The following IFRD1 variants were observed in gnomAD, a reference collection of about 807,000 sequenced individuals.
The protein encoded by IFRD1 is interferon related developmental regulator 1, also known as interferon-related developmental regulator 1.
Under a neutral mutation model 52.9 loss-of-function variants are expected in IFRD1, and 35 were observed. The ratio of observed to expected loss-of-function variants is 0.66; its 90% confidence interval spans 0.51 to 0.88. The LOEUF (loss-of-function observed/expected upper bound fraction) is 0.88, where lower values mean the gene tolerates loss of function less well. Among genes scored for constraint, IFRD1 ranks in the 40% least tolerant of loss-of-function variants. The pLI is 0.00. For synonymous variants in IFRD1, 184 were observed against 188.4 expected (o/e 0.98, Z 0.19); for missense variants, 517 against 550.8 (o/e 0.94, Z 0.61).
chr7:112,453,275 T>C (rs1356340365), intron 1 of IFRD1, among the ~76,000 whole-genome samples: 1 of 152,174 alleles, frequency 6.6e-6, no homozygotes, highest in Non-Finnish European at 1.5e-5. Flanking sequence ...AGCACTTAAT[T>C]TAAAGAGAAT....
intron 7 of IFRD1, 36 bp downstream of exon 7, chr7:112,462,215 C>T: frequency 6.2e-7 from 1 of 1,609,712 alleles, no homozygotes; most frequent in South Asian, 1.1e-5. Flanking sequence ...ATAAAAGCAA[C>T]ATTTAGTGGA....
At position 112,472,265 on chromosome 7, in the gene IFRD1, T is replaced by C. The variant is rs1795769433; in HGVS notation, c.1088T>C (p.Met363Thr). Reference protein sequence around the residue: ...TETIKFGPERMYIDCWVKKHT... With the variant: ...TETIKFGPERTYIDCWVKKHT... Reference sequence around the variant, plus strand: ...ACCATTAAATTTGGTCCTGAACGCATGTATATTGATTGCTGGGTAAAAAAA... The same window carrying C: ...ACCATTAAATTTGGTCCTGAACGCACGTATATTGATTGCTGGGTAAAAAAA... Residue 363 changes from methionine to threonine, a missense_variant, in exon 10 of 12, where the codon ATG (methionine) becomes ACG (threonine). Coordinates refer to ENST00000403825, the MANE Select transcript of IFRD1 (RefSeq NM_001550.4). 7.4e-6 allele frequency: 12 copies of C among 1,613,872 alleles called. No homozygotes were observed. Among genetic ancestry groups the C allele is most frequent in the Non-Finnish European group, 1.0e-5 (12 of 1,179,890 alleles).
At position 112,472,908 on chromosome 7, in the gene IFRD1, T is replaced by C. The variant is rs375068297; in HGVS notation, c.1266+47T>C. 3 of 1,324,628 alleles carry C rather than the reference T, an allele frequency of 2.3e-6. No homozygotes were observed. In the African/African-American group the frequency reaches 4.3e-5, roughly 19 times the overall value. 82.1% of individuals were successfully genotyped at this position (1,324,628 alleles called of 1,614,324 possible). A position where few individuals can be genotyped will look rare whatever the true frequency, so the allele number is the denominator to read the frequency against. On this transcript the variant is annotated intron_variant, in intron 11 of 11. Transcript: ENST00000403825. ...AATAAAACTAAGTGCGCCAAAGCTT[T>C]GATTCTGTCTAGTGTCAGCAACTTA...
chr7:112,431,019 CCTT>C (rs1260819096), intron 1 of IFRD1, among the ~76,000 whole-genome samples: 1 of 152,202 alleles, frequency 6.6e-6, no homozygotes, highest in African/African-American at 2.4e-5. Context: ...CTCCCTCCCA[CCTT>C]CTTTTCTTCA....
At chr7:112,429,979 C>T (rs890041214) in intron 1 of IFRD1, among the ~76,000 whole-genome samples, 4 of 152,198 alleles carry the variant, frequency 2.6e-5, no homozygotes, top group African/African-American at 4.8e-5. Flanking sequence ...TCTCATCTCC[C>T]TTCTTCTCAG....
chr7:112,462,268 A>G lies in IFRD1; in HGVS notation c.798-2A>G. Reference sequence around the variant, plus strand: ...ACATAGTAATGACTAACTATTTTTTAGGCATTTCCATAAGCTTCCAAGCCT... The same window carrying G: ...ACATAGTAATGACTAACTATTTTTTGGGCATTTCCATAAGCTTCCAAGCCT... On this transcript the variant is annotated splice_acceptor_variant, in intron 7 of 11. Transcript: ENST00000403825. LOFTEE classifies it high-confidence loss of function. 1 of 1,612,508 alleles carries G rather than the reference A, an allele frequency of 6.2e-7. No homozygotes were observed. The highest frequency in any genetic ancestry group is 8.5e-7 in the Non-Finnish European group (1 of 1,178,638).
At position 112,450,660 on chromosome 7, in the gene IFRD1, C is replaced by T. The variant is rs369599477; in HGVS notation, c.-29C>T. On this transcript the variant is annotated 5_prime_UTR_variant, in exon 1 of 12. Coordinates refer to ENST00000403825, the MANE Select transcript of IFRD1 (RefSeq NM_001550.4). ...CCATCGGCTGATCCTCGCTAAGCTCCGACTCTGGGCGGCACCGGGCGTCCC... is the reference window on the plus strand; with the variant it reads ...CCATCGGCTGATCCTCGCTAAGCTCTGACTCTGGGCGGCACCGGGCGTCCC... 21 of 1,582,126 alleles carry T rather than the reference C, an allele frequency of 1.3e-5. No individual in the cohort carries two copies. The highest frequency in any genetic ancestry group is 4.5e-5 in the East Asian group (2 of 44,722).
chr7:112,463,364 GGTTCCAAACA>G lies in IFRD1; in HGVS notation c.906+988_906+997del, dbSNP rs1288353661. Among the ~76,000 whole-genome samples the G allele has an allele frequency of 2.0e-5, 3 of 152,128 alleles. No homozygotes were observed. In the East Asian group the frequency reaches 5.8e-4, roughly 29 times the overall value. On this transcript the variant is annotated intron_variant, in intron 8 of 11. Transcript: ENST00000403825. ...TTAAAGAAGTTATTTAACAGTGAAC[GGTTCCAAACA>G]GGATTAATACAGTTCTGCCATGTAT...
At chr7:112,423,469 G>A (rs1457699799) in intron 1 of IFRD1, 1 of 152,174 alleles carries the variant, frequency 6.6e-6, no homozygotes, top group East Asian at 1.9e-4. Context: ...AGAAAACTGA[G>A]GCTTAAAGAT....
rs564188911 is a variant in IFRD1, at chr7:112,432,015, C to G, written c.-182+8583C>G. ...AATAGTGTTGTGTTGGCGGTATGAA[C>G]ACAATTTAATGCTAGACGATATTAG... is the stretch of plus-strand genomic sequence containing the variant. On this transcript the variant is annotated intron_variant, in intron 1 of 12. Coordinates refer to the IFRD1 transcript ENST00000005558. Among the ~76,000 whole-genome samples, 7 of 152,272 alleles carry G rather than the reference C, an allele frequency of 4.6e-5. No individual in the cohort carries two copies. The South Asian group carries it at 1.2e-3, about 27-fold the overall frequency.
At chr7:112,454,408 G>A (rs984443714) in intron 1 of IFRD1, among the ~76,000 whole-genome samples, 9 of 152,024 alleles carry the variant, frequency 5.9e-5, no homozygotes, top group African/African-American at 2.2e-4. Flanking sequence ...GGCCAGGCTG[G>A]TCTCCAACTC....
At chr7:112,473,450 A>G (rs1003578681) in intron 11 of IFRD1, among the ~76,000 whole-genome samples, 2 of 150,614 alleles carry the variant, frequency 1.3e-5, no homozygotes, top group Admixed American at 6.6e-5. Flanking sequence ...TTTGAGATGG[A>G]ATCTTGCTCT....
At chr7:112,448,827 G>T (rs148204901), upstream of IFRD1, among the ~76,000 whole-genome samples, 12 of 152,294 alleles carry the variant, frequency 7.9e-5, no homozygotes, top group African/African-American at 2.9e-4. Context: ...CATCTTGAAC[G>T]GTGGATAAAA....
chr7:112,436,965 G>T (rs968961725), intron 1 of IFRD1, among the ~76,000 whole-genome samples: 1 of 152,030 alleles, frequency 6.6e-6, no homozygotes, highest in African/African-American at 2.4e-5. Context: ...AGCTGAATAG[G>T]TGCATAAATC....
rs1795309837 is a variant in IFRD1, at chr7:112,457,021, A to T, written c.392A>T (p.Glu131Val). The T allele has an allele frequency of 6.2e-7, 1 of 1,613,844 alleles. No homozygotes were observed. Residue 131 changes from glutamate to valine, a missense_variant, in exon 4 of 12, where the codon GAA (glutamate) becomes GTA (valine). Physicochemically the swap from Glu to Val is moderately radical, Grantham distance 121 (BLOSUM62 -2). Transcript: ENST00000403825. ...ERRMTLTDSI[E>V]RCLKKGKSDE... is the part of the protein sequence containing the mutation. ...AGAATGACTTTAACTGATAGCATTG[A>T]ACGCTGCCTGAAAAAAGGTAATGCC...
At chr7:112,427,354 C>A (rs74694039) in intron 1 of IFRD1, among the ~76,000 whole-genome samples, 1 of 152,198 alleles carries the variant, frequency 6.6e-6, no homozygotes, top group African/African-American at 2.4e-5. Context: ...ATAGTGGAAG[C>A]AATTGCTGTT....
chr7:112,431,715 A>G (rs1401052385), intron 1 of IFRD1, among the ~76,000 whole-genome samples: 8 of 152,198 alleles, frequency 5.3e-5, no homozygotes, highest in Non-Finnish European at 1.2e-4. Context: ...TGCCTAAATG[A>G]GTGGAAGCAG....
chr7:112,431,782 CT>C (rs1238188634), intron 1 of IFRD1, among the ~76,000 whole-genome samples: 2 of 152,200 alleles, frequency 1.3e-5, no homozygotes, highest in African/African-American at 4.8e-5. Context: ...ACCAAGTATT[CT>C]GTCTATTCAT....
chr7:112,429,291 T>G (rs1794497482), intron 1 of IFRD1, among the ~76,000 whole-genome samples: 1 of 152,246 alleles, frequency 6.6e-6, no homozygotes, highest in African/African-American at 2.4e-5. Context: ...TATGCACACA[T>G]CACTCTGTAT....
Sources: allele counts gnomAD v4.1 joint callset (sites outside exome capture counted in the v4.1 genomes callset), GRCh38; gene constraint gnomAD v4.1.1; transcripts MANE v1.5; gene names NCBI Gene and HGNC (gene_info 2026-07-23, HGNC 2026-07-21).